Variants in TSNARE1 observed in about 807,000 individuals in gnomAD.
TSNARE1 encodes the protein t-SNARE domain-containing protein 1.
TSNARE1 carries 49 observed loss-of-function variants against 62.0 expected under a neutral mutation model. The observed-to-expected ratio is 0.79, with a 90% CI of 0.63 to 1.00. The LOEUF is 1.00. Among genes scored for constraint, TSNARE1 ranks in the 50% least tolerant of loss-of-function variants. TSNARE1 has a pLI of 0.00. For synonymous variants in TSNARE1, 328 were observed against 294.4 expected (o/e 1.11, Z -1.17); for missense variants, 755 against 700.1 (o/e 1.08, Z -0.88).
chr8:142,395,541 G>A (rs908363982), intron 1 of TSNARE1, among the ~76,000 whole-genome samples: 1 of 152,228 alleles, frequency 6.6e-6, no homozygotes, highest in African/African-American at 2.4e-5. Flanking sequence ...AAGTGACAGT[G>A]AGGCTGGAGC....
At chr8:142,285,462 T>C (rs1247269143) in intron 10 of TSNARE1, among the ~76,000 whole-genome samples, 2 of 88,202 alleles carry the variant, frequency 2.3e-5, no homozygotes, top group African/African-American at 9.4e-5. Flanking sequence ...GGTAGGTGGA[T>C]GGATGGGTGC....
intron 11 of TSNARE1, among the ~76,000 whole-genome samples, chr8:142,282,765 T>C (rs1385458733): frequency 6.9e-6 from 1 of 144,916 alleles, no homozygotes; most frequent in East Asian, 2.1e-4. Context: ...GGGGTCAGTG[T>C]CTGCCAATGA....
chr8:142,310,973 T>G (rs897036477), intron 9 of TSNARE1, among the ~76,000 whole-genome samples: 2 of 152,028 alleles, frequency 1.3e-5, no homozygotes, highest in Admixed American at 1.3e-4. Context: ...CTCAGCCTCC[T>G]GAGTAGCTGG....
At chr8:142,264,720 A>G (rs968718699) in intron 12 of TSNARE1, among the ~76,000 whole-genome samples, 3 of 152,158 alleles carry the variant, frequency 2.0e-5, no homozygotes, top group African/African-American at 7.2e-5. Context: ...TTGCTACTTA[A>G]GCTCTCTTTT....
At chr8:142,288,579 C>T (rs557480750) in intron 10 of TSNARE1, among the ~76,000 whole-genome samples, 3 of 152,362 alleles carry the variant, frequency 2.0e-5, no homozygotes, top group South Asian at 2.1e-4. Context: ...GTGCTGGTGC[C>T]GAGGATGCGG....
At chr8:142,393,945 A>G (rs1837720629) in intron 1 of TSNARE1, among the ~76,000 whole-genome samples, 1 of 152,188 alleles carries the variant, frequency 6.6e-6, no homozygotes, top group African/African-American at 2.4e-5. Context: ...TGAACTGTGA[A>G]TCCCCAATGA....
chr8:142,311,290 G>GTTTTTTTTTTTTTTTTTTTTTT lies in TSNARE1; in HGVS notation c.1131+3072_1131+3093dup, dbSNP rs58755110. ...CGATTCTCCTGCCTCAGCCTCTCTA[G>GTTTTTTTTTTTTTTTTTTTTTT]TTTTTTTTTTTTTTTTTTTTTTTTG... On this transcript the variant is annotated intron_variant, in intron 9 of 13. Coordinates refer to ENST00000524325, the MANE Select transcript of TSNARE1 (RefSeq NM_145003.5). Among the ~76,000 whole-genome samples, 50 of 57,354 alleles carry GTTTTTTTTTTTTTTTTTTTTTT rather than the reference G, an allele frequency of 8.7e-4. 3 individuals carry two copies. The highest frequency in any genetic ancestry group is 3.7e-3 in the East Asian group (6 of 1,616). The allele number at this position is 57,354 out of a possible 152,430, so 37.6% of individuals were successfully genotyped here.
At chr8:142,275,423 G>A (rs1820304293) in intron 11 of TSNARE1, 1 of 985,344 alleles carries the variant, frequency 1.0e-6, no homozygotes. Flanking sequence ...GAAAAGCCGG[G>A]CTCGGTGGCT....
At position 142,344,073 on chromosome 8, in the gene TSNARE1, G is replaced by A. The variant is rs1833009924; in HGVS notation, c.638C>T (p.Ser213Phe). The change falls in exon 4 of 14, where the codon TCC (serine) becomes TTC (phenylalanine). Residue 213 changes from serine to phenylalanine, a missense_variant. Ser to Phe is a radical substitution (Grantham distance 155). Coordinates refer to ENST00000524325, the MANE Select transcript of TSNARE1 (RefSeq NM_145003.5). ...RKAAHGPSPG[S>F]GKPQALALTP... ...GAGAGCCAGGGCCTGGGGCTTGCCG[G>A]AACCAGGGCTGGGGCCATGGGCCGC... is the stretch of plus-strand genomic sequence containing the variant. 1.9e-6 allele frequency: 3 copies of A among 1,604,228 alleles called. No individual in the cohort carries two copies. Among genetic ancestry groups the A allele is most frequent in the South Asian group, 2.2e-5 (2 of 90,362 alleles).
rs1829102807 is a variant in TSNARE1, at chr8:142,319,212, T to C, written c.894-578A>G. On this transcript the variant is annotated intron_variant, in intron 6 of 13. Transcript: ENST00000524325. The surrounding 1 kb of genome is among the most constrained non-coding windows in gnomAD (Gnocchi z 4.9). ...AGGAGGCTGAGCCACGAGCCCTCCC[T>C]GCAGAAAGGCCCGTCTCGGGGTCAG... Among the ~76,000 whole-genome samples the C allele has an allele frequency of 6.6e-6, 1 of 151,410 alleles. No homozygotes were observed. The highest frequency in any genetic ancestry group is 2.4e-5 in the African/African-American group (1 of 41,160).
intron 12 of TSNARE1, among the ~76,000 whole-genome samples, chr8:142,262,732 G>C (rs978542083): frequency 6.6e-6 from 1 of 151,572 alleles, no homozygotes; most frequent in South Asian, 2.1e-4. Flanking sequence ...CTTCCCCTTC[G>C]CCTTCCACCA....
intron 12 of TSNARE1, among the ~76,000 whole-genome samples, chr8:142,255,716 T>C (rs1478463066): frequency 2.4e-4 from 5 of 20,480 alleles, no homozygotes; most frequent in Admixed American, 4.5e-4. Context: ...ACCACCATCA[T>C]CACCATCACC....
intron 12 of TSNARE1, among the ~76,000 whole-genome samples, chr8:142,268,296 C>T (rs1197058433): frequency 6.6e-6 from 1 of 152,236 alleles, no homozygotes; most frequent in Admixed American, 6.5e-5. Flanking sequence ...ACTGTGGAGA[C>T]ACATGGACCA....
rs115634213 is a variant in TSNARE1 at position 142,254,939 on chromosome 8, G to C, written c.1446+19842C>G. 2.5e-3 allele frequency among the ~76,000 whole-genome samples: 376 copies of C among 152,276 alleles called. 1 individual carries two copies. Among genetic ancestry groups the C allele is most frequent in the African/African-American group, 8.7e-3 (360 of 41,536 alleles). On this transcript the variant is annotated intron_variant, in intron 12 of 13. Coordinates refer to ENST00000524325, the MANE Select transcript of TSNARE1 (RefSeq NM_145003.5). ...TCCCTGGGCCAGGCCCCTCCAACAGGTCCTGGACACTCACTCTGAGCCCAG... is the reference window on the plus strand; with the variant it reads ...TCCCTGGGCCAGGCCCCTCCAACAGCTCCTGGACACTCACTCTGAGCCCAG...
rs571696720 is a variant in TSNARE1 at position 142,342,804 on chromosome 8, C to A, written c.745+1162G>T. Among the ~76,000 whole-genome samples the A allele has an allele frequency of 1.6e-4, 24 of 151,194 alleles. No homozygotes were observed. The South Asian group carries it at 4.2e-3, about 27-fold the overall frequency. ...AGCAGGAGCTCAGACGCCATGCCTA[C>A]GCCCAGCACCTGTCCAGGCAACTGT... is the stretch of plus-strand genomic sequence containing the variant. On this transcript the variant is annotated intron_variant, in intron 4 of 13. Transcript: ENST00000524325.
intron 1 of TSNARE1, among the ~76,000 whole-genome samples, chr8:142,380,181 C>A (rs1264992207): frequency 6.6e-6 from 1 of 152,232 alleles, no homozygotes; most frequent in Non-Finnish European, 1.5e-5. Flanking sequence ...CACCTCCCAA[C>A]AACTCCACAG....
At chr8:142,357,865 CA>C (rs1834864660) in intron 1 of TSNARE1, among the ~76,000 whole-genome samples, 1 of 152,204 alleles carries the variant, frequency 6.6e-6, no homozygotes, top group South Asian at 2.1e-4. Flanking sequence ...GGGGACGAGT[CA>C]GGGGGATGTT....
In TSNARE1 at chr8:142,321,983, C is replaced by G. The variant is rs558425592; in HGVS notation, c.894-3349G>C. Among the ~76,000 whole-genome samples, 5 of 152,222 alleles carry G rather than the reference C, an allele frequency of 3.3e-5. No individual in the cohort carries two copies. In the South Asian group the frequency reaches 1.0e-3, roughly 32 times the overall value. On this transcript the variant is annotated intron_variant, in intron 6 of 13. Transcript: ENST00000524325. ...ACCCATATATCACTCACAAACCCAG[C>G]AGCAAAAATCTTCAATACAATTTTA...
intron 12 of TSNARE1, among the ~76,000 whole-genome samples, chr8:142,260,975 AG>A (rs1818834449): frequency 3.6e-4 from 4 of 11,152 alleles, no homozygotes; most frequent in African/African-American, 7.0e-4. Context: ...TCAGGGAGGG[AG>A]GGAGGGAGGA....
Sources: gnomAD v4.1 joint callset for allele counts (sites outside exome capture counted in the v4.1 genomes callset) on GRCh38, gnomAD v4.1.1 for gene constraint, Gnocchi (gnomAD v3.1) non-coding constraint, MANE v1.5 for transcripts, NCBI Gene and HGNC (gene_info 2026-07-23, HGNC 2026-07-21) for gene names.